CASK: variants seen among roughly 807,000 people sequenced by gnomAD.
CASK encodes the protein calcium/calmodulin dependent serine protein kinase.
Under a neutral mutation model 82.9 loss-of-function variants are expected in CASK, and 4 were observed. That is an observed-to-expected ratio of 0.05 (90% CI 0.02 to 0.11). The LOEUF (loss-of-function observed/expected upper bound fraction) is 0.11. Ranked by LOEUF, CASK falls within the 10% of genes least tolerant of loss-of-function variation. The pLI is 1.00. For missense variants in CASK, 358 were observed against 720.9 expected, an observed-to-expected ratio of 0.50 and a Z score of 5.76; for synonymous variants, 259 against 253.5, an observed-to-expected ratio of 1.02 and a Z score of -0.20.
At chrX:41,813,259 A>T (rs1412257865) in intron 2 of CASK, among the ~76,000 whole-genome samples, 1 of 111,636 alleles carries the variant, frequency 9.0e-6, no homozygotes, top group African/African-American at 3.3e-5. Context: ...TTCATATGGA[A>T]CCAAAAAAGA....
At chrX:41,530,965 A>C (rs968871336) in intron 25 of CASK, 42 bp downstream of exon 25, 19 of 1,100,413 alleles carry the variant, frequency 1.7e-5, no homozygotes, top group Non-Finnish European at 1.9e-5. Flanking sequence ...GCTTATTGGC[A>C]TGCAGGCAGG....
chrX:41,797,663 A>G (rs1459034847), intron 2 of CASK, among the ~76,000 whole-genome samples: 1 of 111,913 alleles, frequency 8.9e-6, no homozygotes, highest in Admixed American at 9.5e-5. Context: ...GCTCCTCTCT[A>G]TCCTCAAATT....
At chrX:41,807,073 A>G (rs1319464553) in intron 2 of CASK, among the ~76,000 whole-genome samples, 3 of 111,793 alleles carry the variant, frequency 2.7e-5, no homozygotes, top group East Asian at 5.5e-4. Flanking sequence ...AAAAGAGACT[A>G]ATTATTTTAG....
chrX:41,803,395 G>A (rs758964335), intron 2 of CASK, among the ~76,000 whole-genome samples: 2 of 110,822 alleles, frequency 1.8e-5, no homozygotes, highest in South Asian at 3.8e-4. Flanking sequence ...TGAGACCAGC[G>A]TGGCCAACAT....
At chrX:41,917,615 GA>G (rs1218256667) in intron 1 of CASK, among the ~76,000 whole-genome samples, 2 of 111,729 alleles carry the variant, frequency 1.8e-5, no homozygotes, top group African/African-American at 6.5e-5. Context: ...CAGATACAAG[GA>G]AAAAATGGAG....
At chrX:41,689,958 C>A (rs1265168219) in intron 5 of CASK, 1 of 111,266 alleles carries the variant, frequency 9.0e-6, no homozygotes, top group Non-Finnish European at 1.9e-5. Flanking sequence ...GTCCAGTACT[C>A]CTACATGAGC....
In CASK at chrX:41,913,969, T is replaced by TA. The variant is rs1474611437; in HGVS notation, c.59+8960dup. Among the ~76,000 whole-genome samples, 5 of 111,909 alleles carry TA rather than the reference T, an allele frequency of 4.5e-5. No individual in the cohort carries two copies. In the Admixed American group the frequency reaches 4.7e-4, roughly 11 times the overall value. The stretch of plus-strand genomic sequence containing the variant: ...AAGGCCAAGAATTGATGATGTTTTC[T>TA]AAAAACACAAATTAGAATCTATGAA... On this transcript the variant is annotated intron_variant, in intron 1 of 26. Coordinates refer to ENST00000378163, the MANE Select transcript of CASK (RefSeq NM_001367721.1).
Position 41,520,262 on chromosome X carries a change from C to T in CASK, c.*158G>A, listed in dbSNP as rs746687996. 5.0e-4 allele frequency: 209 copies of T among 418,513 alleles called. 2 individuals are homozygous for T. Among genetic ancestry groups the T allele is most frequent in the African/African-American group, 4.7e-3 (190 of 40,382 alleles). 34.5% of individuals were successfully genotyped at this position (418,513 alleles called of 1,213,427 possible). A position where few individuals can be genotyped will look rare whatever the true frequency, so the allele number is the denominator to read the frequency against. On this transcript the variant is annotated 3_prime_UTR_variant, in exon 27 of 27. Transcript: ENST00000378163. ...TAAATTAGTGTGTAATTGTTTTTCT[C>T]CTCCTATCTATTCGGACATGACAAT...
chrX:41,712,777 A>G (rs1479867078), intron 5 of CASK, among the ~76,000 whole-genome samples: 1 of 112,273 alleles, frequency 8.9e-6, no homozygotes, highest in Non-Finnish European at 1.9e-5. Context: ...CGTGAACCTA[A>G]GATTGGCCTT....
At chrX:41,743,788 T>C in intron 4 of CASK, 1 of 293,775 alleles carries the variant, frequency 3.4e-6, no homozygotes, top group African/African-American at 2.7e-5. Context: ...AATATAACTG[T>C]TTTTCAAATG....
intron 5 of CASK, among the ~76,000 whole-genome samples, chrX:41,717,355 A>G (rs1320716315): frequency 8.9e-6 from 1 of 112,278 alleles, no homozygotes; most frequent in Non-Finnish European, 1.9e-5. Flanking sequence ...TATTTCTAAC[A>G]TGAATGGGAG....
chrX:41,832,642 T>C (rs2070846649), intron 2 of CASK, among the ~76,000 whole-genome samples: 1 of 112,714 alleles, frequency 8.9e-6, no homozygotes, highest in Admixed American at 9.4e-5. Context: ...ACACTGTTCC[T>C]TAGGGAAAAT....
chrX:41,705,123 G>A (rs2067863943), intron 5 of CASK, among the ~76,000 whole-genome samples: 1 of 112,454 alleles, frequency 8.9e-6, no homozygotes, highest in Non-Finnish European at 1.9e-5. Flanking sequence ...ATTTTATTCA[G>A]CCTCAGCTTT....
chrX:41,532,483 C>G (rs944403614), intron 24 of CASK, among the ~76,000 whole-genome samples: 1 of 111,705 alleles, frequency 9.0e-6, no homozygotes, highest in African/African-American at 3.3e-5. Flanking sequence ...CTAATAGGAC[C>G]AGTATCCTGC....
intron 12 of CASK, among the ~76,000 whole-genome samples, chrX:41,607,998 T>C (rs1011734780): frequency 8.9e-6 from 1 of 112,526 alleles, no homozygotes; most frequent in African/African-American, 3.2e-5. Context: ...GTACACTATA[T>C]ACAAAGGCCA....
At chrX:41,671,596 T>C (rs2067198868) in intron 5 of CASK, 66 bp from the exon 6 acceptor site, 1 of 666,503 alleles carries the variant, frequency 1.5e-6, no homozygotes, top group Admixed American at 2.4e-5. Context: ...TCATTGAAGA[T>C]GAACAATGCA....
intron 2 of CASK, among the ~76,000 whole-genome samples, chrX:41,815,651 A>T (rs1395814688): frequency 9.0e-6 from 1 of 111,407 alleles, no homozygotes; most frequent in Non-Finnish European, 1.9e-5. Context: ...AAGGGGTCTA[A>T]CATACATGTA....
chrX:41,545,661 T>TG (rs2065012334), intron 21 of CASK, among the ~76,000 whole-genome samples: 1 of 112,000 alleles, frequency 8.9e-6, no homozygotes, highest in African/African-American at 3.2e-5. Context: ...CCATGTAGAC[T>TG]TTAAACTTAG....
At chrX:41,896,641 T>G (rs1043963486) in intron 1 of CASK, among the ~76,000 whole-genome samples, 6 of 111,940 alleles carry the variant, frequency 5.4e-5, no homozygotes, top group African/African-American at 1.9e-4. Context: ...TGCATACAAA[T>G]GCTATTGTTT....
Sources: gnomAD v4.1 joint callset for allele counts (sites outside exome capture counted in the v4.1 genomes callset) on GRCh38, gnomAD v4.1.1 for gene constraint, MANE v1.5 for transcripts, NCBI Gene and HGNC (gene_info 2026-07-23, HGNC 2026-07-21) for gene names.